The following WWOX variants were observed in gnomAD, a reference collection of about 807,000 sequenced individuals.
The protein encoded by WWOX is WW domain-containing oxidoreductase.
WWOX carries 69 observed loss-of-function variants against 46.2 expected under a neutral mutation model. That is an observed-to-expected ratio of 1.49 (90% CI 1.23 to 1.82). WWOX has a LOEUF of 1.82. Ranked by LOEUF, WWOX falls within the 40% of genes most tolerant of loss-of-function variation. The pLI is 0.00. For missense variants in WWOX, 919 were observed against 542.6 expected, an observed-to-expected ratio of 1.69 and a Z score of -6.89; for synonymous variants, 359 against 202.6, an observed-to-expected ratio of 1.77 and a Z score of -6.56.
chr16:79,017,647 A>G (rs558379612), intron 8 of WWOX, among the ~76,000 whole-genome samples: 63 of 152,184 alleles, frequency 4.1e-4, no homozygotes, highest in African/African-American at 1.5e-3. Context: ...GTTCTGATAA[A>G]AGTTTATTTA....
chr16:78,905,764 C>T (rs2044946719), intron 8 of WWOX, among the ~76,000 whole-genome samples: 1 of 152,162 alleles, frequency 6.6e-6, no homozygotes, highest in Non-Finnish European at 1.5e-5. Context: ...GAATAGTATC[C>T]TATTTATACA....
rs531249024 is a variant in WWOX, at chr16:78,764,620, A to G, written c.1056+331868A>G. On this transcript the variant is annotated intron_variant, in intron 8 of 8. Coordinates refer to ENST00000566780, the MANE Select transcript of WWOX (RefSeq NM_016373.4). ...GGGTGGGTTTGGAAGCCATGCTGCT[A>G]TGGTTTGATTCCTGGCTTTCCAACA... 1.4e-3 allele frequency among the ~76,000 whole-genome samples: 204 copies of G among 145,322 alleles called. 1 individual carries two copies. The highest frequency in any genetic ancestry group is 4.7e-3 in the African/African-American group (183 of 39,340).
At chr16:78,323,188 T>G (rs111286740) in intron 5 of WWOX, among the ~76,000 whole-genome samples, 3,050 of 152,114 alleles carry the variant, frequency 0.02, 104 homozygotes, top group African/African-American at 0.069. Flanking sequence ...GCTCACTACA[T>G]CTCTGCCTCC....
At chr16:79,055,403 G>C (rs1200682593) in intron 8 of WWOX, among the ~76,000 whole-genome samples, 2 of 152,084 alleles carry the variant, frequency 1.3e-5, no homozygotes, top group African/African-American at 4.8e-5. Context: ...ATGGAATGTG[G>C]CTGAGTGGCC....
intron 8 of WWOX, among the ~76,000 whole-genome samples, chr16:78,793,973 C>T (rs188183223): frequency 6.6e-6 from 1 of 152,072 alleles, no homozygotes; most frequent in Non-Finnish European, 1.5e-5. Flanking sequence ...CAGAAAGACC[C>T]ATGCCATATA....
chr16:79,113,910 C>T (rs544688126), intron 8 of WWOX, among the ~76,000 whole-genome samples: 89 of 152,286 alleles, frequency 5.8e-4, no homozygotes, highest in Non-Finnish European at 1.0e-3. Context: ...ATGTTTGAAT[C>T]GGAGTAGCAG....
At chr16:78,796,089 G>C (rs919046349) in intron 8 of WWOX, among the ~76,000 whole-genome samples, 13 of 152,184 alleles carry the variant, frequency 8.5e-5, no homozygotes, top group African/African-American at 2.9e-4. Flanking sequence ...TAAGAGAATG[G>C]CTCTGAATGT....
chr16:78,822,988 G>C (rs1352288475), intron 8 of WWOX, among the ~76,000 whole-genome samples: 1 of 152,048 alleles, frequency 6.6e-6, no homozygotes, highest in East Asian at 1.9e-4. Flanking sequence ...TTGTAAATTT[G>C]TGAATAAATC....
chr16:78,300,892 T>G (rs563458316), intron 5 of WWOX, among the ~76,000 whole-genome samples: 77 of 152,202 alleles, frequency 5.1e-4, no homozygotes, highest in Non-Finnish European at 1.0e-3. Flanking sequence ...GTTGCTAATG[T>G]TTTGCCATGT....
chr16:78,542,018 C>CAAAAAAAAAAAAAA lies in WWOX; in HGVS notation c.1056+109281_1056+109294dup, dbSNP rs548366256. On this transcript the variant is annotated intron_variant, in intron 8 of 8. Coordinates refer to ENST00000566780, the MANE Select transcript of WWOX (RefSeq NM_016373.4). Reference sequence around the variant, plus strand: ...GAGGGTTTCTTTCAACAGAGTATACCAAAAAAAAAAAAAAAAAAAAAAAAA... The same window carrying CAAAAAAAAAAAAAA: ...GAGGGTTTCTTTCAACAGAGTATACCAAAAAAAAAAAAAAAAAAAAAAAAAAAAAAAAAAAAAAA... 1.6e-3 allele frequency among the ~76,000 whole-genome samples: 67 copies of CAAAAAAAAAAAAAA among 40,638 alleles called. 8 individuals carry two copies. Among genetic ancestry groups the CAAAAAAAAAAAAAA allele is most frequent in the Non-Finnish European group, 2.2e-3 (54 of 24,858 alleles). The allele number at this position is 40,638 out of a possible 152,430, so 26.7% of individuals were successfully genotyped here. A position where few individuals can be genotyped will look rare whatever the true frequency, so the allele number is the denominator to read the frequency against.
At chr16:78,820,607 G>A (rs76934740) in intron 8 of WWOX, among the ~76,000 whole-genome samples, 2 of 152,042 alleles carry the variant, frequency 1.3e-5, no homozygotes, top group South Asian at 2.1e-4. Context: ...TGACAACCTT[G>A]GTGAAAGCAA....
At chr16:79,030,294 G>C (rs531906881) in intron 8 of WWOX, among the ~76,000 whole-genome samples, 1 of 152,072 alleles carries the variant, frequency 6.6e-6, no homozygotes, top group East Asian at 1.9e-4. Context: ...TTCTTCATTA[G>C]GGTTTCTCTC....
At chr16:78,512,932 A>G (rs1027592265) in intron 8 of WWOX, among the ~76,000 whole-genome samples, 5 of 152,344 alleles carry the variant, frequency 3.3e-5, no homozygotes, top group Admixed American at 1.3e-4. Context: ...CCAGGCAGGA[A>G]GGCCCATTAG....
chr16:78,521,411 C>A (rs1257302225), intron 8 of WWOX, among the ~76,000 whole-genome samples: 2 of 151,966 alleles, frequency 1.3e-5, no homozygotes, highest in Non-Finnish European at 2.9e-5. Flanking sequence ...GATATTCCAG[C>A]AGAATATCAG....
intron 5 of WWOX, among the ~76,000 whole-genome samples, chr16:78,358,692 G>GTGTA (rs1567522593): frequency 6.8e-6 from 1 of 147,256 alleles, no homozygotes; most frequent in Admixed American, 6.7e-5. Flanking sequence ...GTGTGTGTGT[G>GTGTA]TGTATGTACA....
intron 8 of WWOX, among the ~76,000 whole-genome samples, chr16:78,670,092 C>A (rs779336925): frequency 6.6e-6 from 1 of 152,186 alleles, no homozygotes; most frequent in East Asian, 1.9e-4. Flanking sequence ...CGGCCGCCCC[C>A]GGAAGCTCCA....
At chr16:78,264,688 G>A (rs2079323488) in intron 5 of WWOX, 1 of 152,156 alleles carries the variant, frequency 6.6e-6, no homozygotes, top group African/African-American at 2.4e-5. Flanking sequence ...CTATACATGT[G>A]GTATGGCTGC....
At chr16:78,464,539 A>G (rs918163227) in intron 8 of WWOX, among the ~76,000 whole-genome samples, 1 of 152,170 alleles carries the variant, frequency 6.6e-6, no homozygotes, top group Non-Finnish European at 1.5e-5. Flanking sequence ...TTGAATCTTC[A>G]TGACGATCCT....
intron 8 of WWOX, among the ~76,000 whole-genome samples, chr16:78,768,300 A>T (rs993011764): frequency 1.3e-5 from 2 of 148,796 alleles, no homozygotes; most frequent in East Asian, 3.9e-4. Flanking sequence ...AAAAAAAAAA[A>T]GTTGCCTGGC....
Sources: gnomAD v4.1 joint callset for allele counts (sites outside exome capture counted in the v4.1 genomes callset) on GRCh38, gnomAD v4.1.1 for gene constraint, MANE v1.5 for transcripts, NCBI Gene and HGNC (gene_info 2026-07-23, HGNC 2026-07-21) for gene names.